The following SCGB2B2 variants were observed in gnomAD, a reference collection of about 807,000 sequenced individuals.
SCGB2B2 encodes secretoglobin family 2B member 2.
Under a neutral mutation model 7.6 loss-of-function variants are expected in SCGB2B2, and 11 were observed. The observed-to-expected ratio is 1.45, with a 90% CI of 0.91 to 2.40. SCGB2B2 has a LOEUF of 2.40. Among genes scored for constraint, SCGB2B2 ranks in the 30% most tolerant of loss-of-function variants. The pLI is 0.00. For synonymous variants in SCGB2B2, 50 were observed against 48.6 expected, an observed-to-expected ratio of 1.03 and a Z score of -0.12; for missense variants, 104 against 115.4, an observed-to-expected ratio of 0.90 and a Z score of 0.45.
intron 1 of SCGB2B2, among the ~76,000 whole-genome samples, chr19:34,643,332 C>T (rs2066898144): frequency 6.6e-6 from 1 of 152,028 alleles, no homozygotes; most frequent in African/African-American, 2.4e-5. Flanking sequence ...AAGACAAATA[C>T]CACATGCACT....
chr19:34,588,846 G>GACTTGGAGAAGGACA (rs1555743069), downstream of SCGB2B2, among the ~76,000 whole-genome samples: 3 of 151,200 alleles, frequency 2.0e-5, no homozygotes, highest in South Asian at 4.2e-4. Context: ...GTTCACTCTT[G>GACTTGGAGAAGGACA]ACTTGGAGAA....
chr19:34,653,530 GA>G (rs1410852980), intron 1 of SCGB2B2, among the ~76,000 whole-genome samples: 18 of 150,334 alleles, frequency 1.2e-4, no homozygotes, highest in Admixed American at 9.2e-4. Context: ...AAGAAGAAAA[GA>G]AAAAAAGCTA....
intron 1 of SCGB2B2, among the ~76,000 whole-genome samples, chr19:34,619,487 G>A (rs1441758177): frequency 6.6e-6 from 1 of 152,156 alleles, no homozygotes; most frequent in African/African-American, 2.4e-5. Flanking sequence ...AACCTTGGAT[G>A]CATGAAGTGT....
At chr19:34,644,043 AGATTTGT>A (rs1164094204) in intron 1 of SCGB2B2, among the ~76,000 whole-genome samples, 1 of 152,210 alleles carries the variant, frequency 6.6e-6, no homozygotes, top group African/African-American at 2.4e-5. Flanking sequence ...CAACAACAGA[AGATTTGT>A]GATTTGTGAT....
chr19:34,627,336 C>A (rs2066407343), intron 1 of SCGB2B2, among the ~76,000 whole-genome samples: 1 of 152,122 alleles, frequency 6.6e-6, no homozygotes, highest in African/African-American at 2.4e-5. Context: ...GAGTCAAGAC[C>A]CATCATTGTG....
intron 1 of SCGB2B2, among the ~76,000 whole-genome samples, chr19:34,601,414 A>G (rs1212072670): frequency 2.0e-5 from 3 of 152,228 alleles, no homozygotes; most frequent in Non-Finnish European, 4.4e-5. Flanking sequence ...GTTGAATTCA[A>G]TTTGGAGAGA....
At chr19:34,614,309 T>C (rs946200624) in intron 1 of SCGB2B2, among the ~76,000 whole-genome samples, 2 of 152,150 alleles carry the variant, frequency 1.3e-5, no homozygotes, top group Non-Finnish European at 2.9e-5. Flanking sequence ...TTCACTCTTA[T>C]ATCTTAATTT....
rs532305014 is a variant in SCGB2B2 at position 34,625,577 on chromosome 19, C to T, written c.-2031-28983G>A. Among the ~76,000 whole-genome samples, 261 of 152,260 alleles carry T rather than the reference C, an allele frequency of 1.7e-3. 2 individuals are homozygous for T. The highest frequency in any genetic ancestry group is 6.0e-3 in the African/African-American group (251 of 41,574). On this transcript the variant is annotated intron_variant, in intron 1 of 3. Coordinates refer to ENST00000601241, the MANE Select transcript of SCGB2B2 (RefSeq NM_001025591.4). ...GGCAGCAATGAGGCTGGGGGAGGGGCGCCTGCCATTGCCAAGGCTTGAGTA... is the reference window on the plus strand; with the variant it reads ...GGCAGCAATGAGGCTGGGGGAGGGGTGCCTGCCATTGCCAAGGCTTGAGTA...
intron 1 of SCGB2B2, among the ~76,000 whole-genome samples, chr19:34,668,765 ACT>A (rs879613783): frequency 1.3e-5 from 2 of 151,820 alleles, no homozygotes; most frequent in African/African-American, 2.4e-5. Context: ...TTGTGTCCAC[ACT>A]CTGTATCTAG....
At chr19:34,629,399 G>T (rs1008289194) in intron 1 of SCGB2B2, among the ~76,000 whole-genome samples, 1 of 151,988 alleles carries the variant, frequency 6.6e-6, no homozygotes, top group Admixed American at 6.6e-5. Context: ...ATCTCCTTAA[G>T]CTGATAAGCA....
At chr19:34,586,999 C>T (rs1188265601), downstream of SCGB2B2, among the ~76,000 whole-genome samples, 1 of 152,120 alleles carries the variant, frequency 6.6e-6, no homozygotes, top group Non-Finnish European at 1.5e-5. Flanking sequence ...TCTCTGCCTC[C>T]CAGGTTCAAG....
intron 1 of SCGB2B2, among the ~76,000 whole-genome samples, chr19:34,664,335 C>T (rs1194831121): frequency 6.6e-6 from 1 of 152,172 alleles, no homozygotes; most frequent in Non-Finnish European, 1.5e-5. Context: ...CCCAGAAATC[C>T]CAACAGCACC....
At chr19:34,628,977 A>G (rs554868174) in intron 1 of SCGB2B2, among the ~76,000 whole-genome samples, 1 of 151,982 alleles carries the variant, frequency 6.6e-6, no homozygotes, top group Non-Finnish European at 1.5e-5. Flanking sequence ...ATGCAAATCA[A>G]TAAACGTAAT....
intron 1 of SCGB2B2, among the ~76,000 whole-genome samples, chr19:34,626,044 C>T (rs975819900): frequency 1.3e-5 from 2 of 152,202 alleles, no homozygotes; most frequent in African/African-American, 4.8e-5. Context: ...TCCAACAGAC[C>T]TGCAGCTGAG....
intron 1 of SCGB2B2, chr19:34,635,450 G>A (rs751575676): frequency 1.7e-5 from 5 of 295,084 alleles, no homozygotes; most frequent in East Asian, 9.5e-5. Flanking sequence ...TCTCTCCAGC[G>A]TGAACTTTCT....
intron 1 of SCGB2B2, among the ~76,000 whole-genome samples, chr19:34,638,508 CAA>C (rs974443925): frequency 8.0e-5 from 12 of 149,852 alleles, no homozygotes; most frequent in Non-Finnish European, 1.6e-4. Context: ...ACAACAAAAA[CAA>C]AAACAAAAAC....
chr19:34,650,176 G>C (rs1296042314), intron 1 of SCGB2B2, among the ~76,000 whole-genome samples: 2 of 151,330 alleles, frequency 1.3e-5, no homozygotes, highest in Admixed American at 1.3e-4. Flanking sequence ...TTGTGGGGTG[G>C]TTCAGCTGCT....
At chr19:34,656,444 A>T (rs2067285673) in intron 1 of SCGB2B2, among the ~76,000 whole-genome samples, 2 of 151,120 alleles carry the variant, frequency 1.3e-5, no homozygotes, top group Admixed American at 1.3e-4. Flanking sequence ...CTCTACAAAA[A>T]TTACAAAAAT....
intron 1 of SCGB2B2, among the ~76,000 whole-genome samples, chr19:34,626,358 G>GA (rs1043842970): frequency 3.3e-5 from 5 of 151,774 alleles, no homozygotes; most frequent in Admixed American, 2.0e-4. Flanking sequence ...TAAAAACCTT[G>GA]AAAAAAAATT....
Sources: allele counts gnomAD v4.1 joint callset (sites outside exome capture counted in the v4.1 genomes callset), GRCh38; gene constraint gnomAD v4.1.1; transcripts MANE v1.5; gene names NCBI Gene and HGNC (gene_info 2026-07-23, HGNC 2026-07-21).